CDH2: variants seen among roughly 807,000 people sequenced by gnomAD.
CDH2 encodes cadherin-2.
A neutral mutation model predicts 92.0 loss-of-function variants in CDH2; 17 were observed. The ratio of observed to expected loss-of-function variants is 0.18; its 90% CI spans 0.13 to 0.28. CDH2 has a LOEUF of 0.28. Ranked by LOEUF, CDH2 falls within the 10% of genes least tolerant of loss-of-function variation. The pLI is 1.00. For synonymous variants in CDH2, 419 were observed against 415.9 expected (o/e 1.01, Z -0.09); for missense variants, 862 against 1,133.1 (o/e 0.76, Z 3.44).
chr18:28,077,177 C>CT (rs2014736914), intron 2 of CDH2, among the ~76,000 whole-genome samples: 1 of 152,132 alleles, frequency 6.6e-6, no homozygotes, highest in African/African-American at 2.4e-5. Context: ...GGCCACACTG[C>CT]TTGCTGTTTT....
At chr18:28,068,098 C>A (rs1599075432) in intron 2 of CDH2, among the ~76,000 whole-genome samples, 1 of 152,298 alleles carries the variant, frequency 6.6e-6, no homozygotes. Context: ...CCCTCCAATT[C>A]TGCCAAGGCT....
intron 2 of CDH2, among the ~76,000 whole-genome samples, chr18:28,130,373 T>C (rs1199157041): frequency 6.6e-6 from 1 of 152,220 alleles, no homozygotes; most frequent in Non-Finnish European, 1.5e-5. Context: ...TGCTATAATT[T>C]AGAAAGGAAT....
intron 14 of CDH2, among the ~76,000 whole-genome samples, chr18:27,981,794 G>A (rs2012065277): frequency 6.6e-6 from 1 of 152,166 alleles, no homozygotes; most frequent in African/African-American, 2.4e-5. Context: ...ATACTTAAGA[G>A]AGTACATTTT....
intron 2 of CDH2, among the ~76,000 whole-genome samples, chr18:28,129,063 A>G (rs553722563): frequency 6.6e-6 from 1 of 152,216 alleles, no homozygotes; most frequent in African/African-American, 2.4e-5. Flanking sequence ...ATCCCAGTCC[A>G]CTCAAAAGCA....
At chr18:28,131,162 T>C (rs919924476) in intron 2 of CDH2, among the ~76,000 whole-genome samples, 1 of 152,192 alleles carries the variant, frequency 6.6e-6, no homozygotes, top group Non-Finnish European at 1.5e-5. Context: ...TTCTTCAGTA[T>C]TTGAAAGTTA....
intron 1 of CDH2, among the ~76,000 whole-genome samples, chr18:28,176,315 T>C (rs1598529768): frequency 6.6e-6 from 1 of 152,158 alleles, no homozygotes; most frequent in Non-Finnish European, 1.5e-5. Flanking sequence ...AGGCAGGCGC[T>C]GACCGGCAGA....
At chr18:28,093,485 G>A (rs1290173485) in intron 2 of CDH2, among the ~76,000 whole-genome samples, 2 of 151,562 alleles carry the variant, frequency 1.3e-5, no homozygotes, top group Admixed American at 6.6e-5. Flanking sequence ...TACACCATTC[G>A]ACTCCCATAT....
chr18:27,964,707 C>T (rs1274431552), intron 14 of CDH2, among the ~76,000 whole-genome samples: 2 of 152,158 alleles, frequency 1.3e-5, no homozygotes, highest in African/African-American at 2.4e-5. Flanking sequence ...ACATGTGATA[C>T]TAAGTTTTAT....
intron 14 of CDH2, among the ~76,000 whole-genome samples, chr18:27,978,425 A>G (rs763609794): frequency 7.2e-5 from 11 of 152,190 alleles, no homozygotes; most frequent in Non-Finnish European, 1.5e-4. Flanking sequence ...CACCTGCTTT[A>G]TGGCAATGTA....
At chr18:28,156,914 T>C (rs541596599) in intron 1 of CDH2, among the ~76,000 whole-genome samples, 3 of 152,296 alleles carry the variant, frequency 2.0e-5, no homozygotes, top group Admixed American at 6.5e-5. Context: ...GACATCCATA[T>C]AGACCTCTGT....
chr18:28,115,686 A>G (rs552170028), intron 2 of CDH2, among the ~76,000 whole-genome samples: 1 of 152,300 alleles, frequency 6.6e-6, no homozygotes, highest in East Asian at 1.9e-4. Context: ...AGATTATTCC[A>G]AAGTCAGGAA....
rs1020592723 is a variant in CDH2 at position 28,166,170 on chromosome 18, A to ATATATATATATATATATG, written c.60+10792_60+10793insCATATATATATATATATA. Among the ~76,000 whole-genome samples, 23 of 136,058 alleles carry ATATATATATATATATATG rather than the reference A, an allele frequency of 1.7e-4. 1 individual carries two copies. Among genetic ancestry groups the ATATATATATATATATATG allele is most frequent in the African/African-American group, 6.3e-4 (22 of 34,820 alleles). The allele number at this position is 136,058 out of a possible 152,430, so 89.3% of individuals were successfully genotyped here. On this transcript the variant is annotated intron_variant, in intron 1 of 15. Coordinates refer to ENST00000269141, the MANE Select transcript of CDH2 (RefSeq NM_001792.5). ...CACTCATATATATATATATATATATATATGTCTGTATTTTAATTATGAAGA... is the reference window on the plus strand; with the variant it reads ...CACTCATATATATATATATATATATATATATATATATATATATGTATGTCTGTATTTTAATTATGAAGA...
At chr18:27,970,321 A>G (rs1221069952) in intron 14 of CDH2, among the ~76,000 whole-genome samples, 1 of 151,958 alleles carries the variant, frequency 6.6e-6, no homozygotes, top group Non-Finnish European at 1.5e-5. Context: ...TCGAGTTCCA[A>G]TTTCTTCTTG....
intron 2 of CDH2, among the ~76,000 whole-genome samples, chr18:28,016,198 G>GA (rs1445101146): frequency 6.6e-6 from 1 of 152,188 alleles, no homozygotes; most frequent in East Asian, 1.9e-4. Flanking sequence ...TAGTTATAAT[G>GA]ATGGTTATTA....
chr18:28,160,191 G>T (rs191273433), intron 1 of CDH2, among the ~76,000 whole-genome samples: 95 of 151,972 alleles, frequency 6.3e-4, no homozygotes, highest in Non-Finnish European at 1.2e-3. Flanking sequence ...CCTCAGGAAA[G>T]ACTATAGGCC....
chr18:27,988,579 T>C lies in CDH2; in HGVS notation c.1686A>G (p.Glu562=). The part of the protein sequence containing the change: ...QITTIAVLDR[E]SPNVKNNIYN... Reference sequence around the variant, plus strand: ...ATATATTGTTTTTCACATTTGGTGATTCTCGGTCCAAAACAGCAATTGTAG... The same window carrying C: ...ATATATTGTTTTTCACATTTGGTGACTCTCGGTCCAAAACAGCAATTGTAG... Residue 562 remains glutamate, a synonymous_variant, in exon 11 of 16, where the codon GAA becomes GAG. Transcript: ENST00000269141. 6.2e-7 allele frequency: 1 copy of C among 1,612,728 alleles called. No individual in the cohort carries two copies.
intron 2 of CDH2, among the ~76,000 whole-genome samples, chr18:28,113,396 GA>G (rs1372935089): frequency 6.7e-6 from 1 of 149,344 alleles, no homozygotes; most frequent in Non-Finnish European, 1.5e-5. Context: ...CTACCATATT[GA>G]ACAGAACATT....
At chr18:27,996,170 C>G (rs949762548) in intron 7 of CDH2, among the ~76,000 whole-genome samples, 5 of 152,142 alleles carry the variant, frequency 3.3e-5, no homozygotes, top group Non-Finnish European at 5.9e-5. Context: ...CTCCCATTCG[C>G]TTACCCCACA....
chr18:28,062,765 G>A (rs2014428016), intron 2 of CDH2, among the ~76,000 whole-genome samples: 1 of 152,150 alleles, frequency 6.6e-6, no homozygotes, highest in Non-Finnish European at 1.5e-5. Flanking sequence ...CTTGAGGTCA[G>A]GAGTTTGAGA....
Sources: gnomAD v4.1 joint callset for allele counts (sites outside exome capture counted in the v4.1 genomes callset) on GRCh38, gnomAD v4.1.1 for gene constraint, MANE v1.5 for transcripts, NCBI Gene and HGNC (gene_info 2026-07-23, HGNC 2026-07-21) for gene names.